The following BNC2 variants were observed in gnomAD, a reference collection of about 807,000 sequenced individuals.
The protein encoded by BNC2 is basonuclin zinc finger protein 2.
A neutral mutation model predicts 76.3 loss-of-function variants in BNC2; 20 were observed. The observed-to-expected ratio is 0.26, with a 90% confidence interval of 0.18 to 0.38. The LOEUF is 0.38. Ranked by LOEUF, BNC2 falls within the 10% of genes least tolerant of loss-of-function variation. The probability of loss-of-function intolerance (pLI) is 1.00; values close to 1 mark genes in which losing one functional copy is unlikely to be tolerated. For synonymous variants in BNC2, 582 were observed against 514.8 expected (o/e 1.13, Z -1.77); for missense variants, 1,382 against 1,399.8 (o/e 0.99, Z 0.20).
chr9:16,660,385 C>G (rs1822075852), intron 3 of BNC2, among the ~76,000 whole-genome samples: 1 of 149,936 alleles, frequency 6.7e-6, no homozygotes, highest in Non-Finnish European at 1.5e-5. Flanking sequence ...ACCTGGGAGG[C>G]AGAAGTTGCA....
chr9:16,685,230 AC>A (rs1563897878), intron 3 of BNC2, among the ~76,000 whole-genome samples: 3 of 152,234 alleles, frequency 2.0e-5, no homozygotes, highest in Non-Finnish European at 4.4e-5. Flanking sequence ...AGATGAGAAA[AC>A]TAAGGTTCAC....
intron 6 of BNC2, among the ~76,000 whole-genome samples, chr9:16,424,901 C>T (rs1210754164): frequency 6.6e-6 from 1 of 152,178 alleles, no homozygotes; most frequent in Non-Finnish European, 1.5e-5. Context: ...CGATAGGATG[C>T]TTATGGCTCT....
At position 16,461,680 on chromosome 9, in the gene BNC2, C is replaced by T. The variant is rs138136297; in HGVS notation, c.670-24156G>A. 2.3e-3 allele frequency among the ~76,000 whole-genome samples: 355 copies of T among 152,252 alleles called. 7 individuals are homozygous for T. Among genetic ancestry groups the T allele is most frequent in the African/African-American group, 8.3e-3 (343 of 41,546 alleles). ...TCAAGGCACAGAGCCCTGCAACACG[C>T]TGCATCACCAGGGACTGCTCGCTCC... is the stretch of plus-strand genomic sequence containing the variant. On this transcript the variant is annotated intron_variant, in intron 5 of 6. Coordinates refer to ENST00000380672, the MANE Select transcript of BNC2 (RefSeq NM_017637.6).
intron 3 of BNC2, among the ~76,000 whole-genome samples, chr9:16,585,328 G>A (rs566335813): frequency 6.8e-4 from 103 of 152,066 alleles, no homozygotes; most frequent in African/African-American, 2.4e-3. Flanking sequence ...GTACATTCGG[G>A]AATTCAACTT....
At chr9:16,868,141 GA>G (rs1563978461) in intron 1 of BNC2, 1 of 152,180 alleles carries the variant, frequency 6.6e-6, no homozygotes, top group East Asian at 1.9e-4. Flanking sequence ...ATGGCAAGAT[GA>G]AACGAGAGGT....
At chr9:16,821,509 C>T (rs909386426) in intron 1 of BNC2, among the ~76,000 whole-genome samples, 4 of 152,162 alleles carry the variant, frequency 2.6e-5, no homozygotes, top group Admixed American at 2.0e-4. Context: ...TTCTTTTGTA[C>T]AGATTTTATA....
chr9:16,472,583 A>T (rs1210317733), intron 5 of BNC2, among the ~76,000 whole-genome samples: 2 of 152,122 alleles, frequency 1.3e-5, no homozygotes, highest in Non-Finnish European at 2.9e-5. Context: ...TCAGTCCTAA[A>T]CCAGCCTCTT....
chr9:16,476,476 AC>A (rs1349948595), intron 5 of BNC2, among the ~76,000 whole-genome samples: 2 of 151,474 alleles, frequency 1.3e-5, no homozygotes, highest in Non-Finnish European at 2.9e-5. Context: ...CATCCTTCAG[AC>A]CTCTGCTCAA....
intron 3 of BNC2, chr9:16,685,666 G>C (rs1356176557): frequency 3.1e-6 from 4 of 1,274,300 alleles, no homozygotes; most frequent in African/African-American, 3.1e-5. Flanking sequence ...TGTGTATGGA[G>C]GCTGCTGAGA....
chr9:16,410,848 T>C lies in BNC2; in HGVS notation c.*8141A>G, dbSNP rs143556180. 6.9e-4 allele frequency: 105 copies of C among 152,214 alleles called. No individual in the cohort carries two copies. Among genetic ancestry groups the C allele is most frequent in the Middle Eastern group, 3.4e-3 (1 of 294 alleles). 9.4% of individuals were successfully genotyped at this position (152,214 alleles called of 1,614,324 possible). ...CAAAAACATGCAAAAATACTCCAAATTGGGGACTAGATTTAAAAAAAGAAA... is the reference window on the plus strand; with the variant it reads ...CAAAAACATGCAAAAATACTCCAAACTGGGGACTAGATTTAAAAAAAGAAA... On this transcript the variant is annotated 3_prime_UTR_variant, in exon 7 of 7. Transcript: ENST00000380672.
rs148873573 is a variant in BNC2, at chr9:16,436,954, G to C, written c.1240C>G (p.Leu414Val). The C allele has an allele frequency of 0.011, 17,728 of 1,614,134 alleles. 133 individuals are homozygous for C. The highest frequency in any genetic ancestry group is 0.014 in the Non-Finnish European group (16,516 of 1,180,036). ...PIQNSAPVSD[L>V]TKTEHPKSSF... is the part of the protein sequence containing the mutation. ...CTTTTTGGGTGTTCAGTTTTGGTTA[G>C]ATCACTGACTGGGGCAGAATTCTGA... The change falls in exon 6 of 7, where the codon CTA (leucine) becomes GTA (valine). Residue 414 changes from leucine (L) to valine (V), a missense_variant. By Grantham distance (32) the Leu-to-Val change is conservative (BLOSUM62 1). Transcript: ENST00000380672.
chr9:16,573,703 G>A (rs918851860), intron 4 of BNC2, among the ~76,000 whole-genome samples: 1 of 152,150 alleles, frequency 6.6e-6, no homozygotes, highest in Non-Finnish European at 1.5e-5. Flanking sequence ...ACGAAGAGAG[G>A]AATCTCACTA....
chr9:16,607,351 A>G (rs1208286211), intron 3 of BNC2, among the ~76,000 whole-genome samples: 1 of 152,124 alleles, frequency 6.6e-6, no homozygotes, highest in African/African-American at 2.4e-5. Flanking sequence ...GGGAATGTAG[A>G]AAAAAAGGGG....
Position 16,580,263 on chromosome 9 carries a change from T to G in BNC2, c.433+2720A>C, listed in dbSNP as rs1819596829. 3 of 397,846 alleles carry G rather than the reference T, an allele frequency of 7.5e-6. 1 individual carries two copies. In the South Asian group the frequency reaches 3.9e-4, roughly 52 times the overall value. The allele number at this position is 397,846 out of a possible 1,614,324, so 24.6% of individuals were successfully genotyped here. On this transcript the variant is annotated intron_variant, in intron 4 of 6. Coordinates refer to ENST00000380672, the MANE Select transcript of BNC2 (RefSeq NM_017637.6). ...GAGGCCAACCCCTCACTGCTGTATT[T>G]GGCCTCATGAATGGGGAGAGTGTGG... is the stretch of plus-strand genomic sequence containing the variant.
intron 3 of BNC2, among the ~76,000 whole-genome samples, chr9:16,699,915 T>G (rs1446662137): frequency 1.3e-5 from 2 of 152,242 alleles, no homozygotes; most frequent in East Asian, 3.8e-4. Context: ...TAATTTCTGG[T>G]TTATAAAGAT....
intron 1 of BNC2, among the ~76,000 whole-genome samples, chr9:16,772,990 TG>T (rs1156981382): frequency 6.6e-6 from 1 of 152,206 alleles, no homozygotes; most frequent in African/African-American, 2.4e-5. Context: ...CTCTCCTTAA[TG>T]AACCTGTTTG....
intron 3 of BNC2, chr9:16,665,231 AT>A (rs1033119069): frequency 2.7e-6 from 1 of 375,914 alleles, no homozygotes; most frequent in African/African-American, 2.1e-5. Context: ...TTAGCCAGGC[AT>A]GGTGGTGCAT....
chr9:16,591,771 A>T (rs1819936252), intron 3 of BNC2, among the ~76,000 whole-genome samples: 1 of 152,220 alleles, frequency 6.6e-6, no homozygotes, highest in Admixed American at 6.5e-5. Context: ...TATGATGGAA[A>T]ATTATACCTA....
intron 3 of BNC2, among the ~76,000 whole-genome samples, chr9:16,688,389 A>C (rs1435295476): frequency 2.6e-5 from 4 of 152,228 alleles, no homozygotes; most frequent in Non-Finnish European, 1.5e-5. Flanking sequence ...AAGAAAAATC[A>C]GATATCAATT....
Sources: gnomAD v4.1 joint callset for allele counts (sites outside exome capture counted in the v4.1 genomes callset) on GRCh38, gnomAD v4.1.1 for gene constraint, MANE v1.5 for transcripts, NCBI Gene and HGNC (gene_info 2026-07-23, HGNC 2026-07-21) for gene names.